Variants in MICU3 observed in about 807,000 individuals in gnomAD.
MICU3 encodes the protein mitochondrial calcium uptake 3.
A neutral mutation model predicts 66.5 loss-of-function variants in MICU3; 62 were observed. The ratio of observed to expected loss-of-function variants is 0.93; its 90% CI spans 0.76 to 1.15. The LOEUF is 1.15. Ranked by LOEUF, MICU3 falls within the 50% of genes most tolerant of loss-of-function variation. The pLI is 0.00. For synonymous variants in MICU3, 308 were observed against 240.7 expected (o/e 1.28, Z -2.59); for missense variants, 779 against 664.4 (o/e 1.17, Z -1.90).
At position 17,079,087 on chromosome 8, in the gene MICU3, G is replaced by C. The variant is rs751118960; in HGVS notation, c.646+1226G>C. 2.0e-5 allele frequency among the ~76,000 whole-genome samples: 3 copies of C among 151,956 alleles called. No homozygotes were observed. The South Asian group carries it at 6.2e-4, about 32-fold the overall frequency. ...AGAACCTTTTTTAAGTTAAGGGGAG[G>C]GTTTAATCTGGAAGTCCTAGGTTTA... is the stretch of plus-strand genomic sequence containing the variant. On this transcript the variant is annotated intron_variant, in intron 4 of 14. Transcript: ENST00000318063.
chr8:17,052,277 TGCATACAGTA>T (rs545667967), intron 1 of MICU3, among the ~76,000 whole-genome samples: 132 of 152,322 alleles, frequency 8.7e-4, no homozygotes, highest in African/African-American at 3.1e-3. Flanking sequence ...TTTTGATACA[TGCATACAGTA>T]TGTAATGATC....
At position 17,120,528 on chromosome 8, in the gene MICU3, ACT is replaced by A. The variant is rs1374235675; in HGVS notation, c.*246_*247del. On this transcript the variant is annotated 3_prime_UTR_variant, in exon 15 of 15. Transcript: ENST00000318063. Reference sequence around the variant, plus strand: ...GTTGAGCTTTGCCTTGATTTGCTGAACTCTCTGCACTTTTTCATTCCCTTCAG... The same window carrying A: ...GTTGAGCTTTGCCTTGATTTGCTGAACTCTGCACTTTTTCATTCCCTTCAG... 1.3e-5 allele frequency: 2 copies of A among 151,956 alleles called. No individual in the cohort carries two copies. The highest frequency in any genetic ancestry group is 2.4e-5 in the African/African-American group (1 of 41,374). 9.4% of individuals were successfully genotyped at this position (151,956 alleles called of 1,614,324 possible).
chr8:17,068,165 A>G (rs932565285), intron 2 of MICU3, among the ~76,000 whole-genome samples: 1 of 152,176 alleles, frequency 6.6e-6, no homozygotes, highest in African/African-American at 2.4e-5. Flanking sequence ...GTCCTTCTTC[A>G]CCTAAGTTAT....
At chr8:17,040,188 A>G (rs1032640534) in intron 1 of MICU3, among the ~76,000 whole-genome samples, 5 of 152,200 alleles carry the variant, frequency 3.3e-5, no homozygotes, top group African/African-American at 9.6e-5. Flanking sequence ...GATTATAGGC[A>G]TGAGCCACTG....
chr8:17,088,486 A>T (rs559022818), intron 7 of MICU3, among the ~76,000 whole-genome samples: 2 of 152,084 alleles, frequency 1.3e-5, no homozygotes, highest in East Asian at 3.9e-4. Context: ...TTTAATTTTG[A>T]TATATTACCT....
chr8:17,082,021 A>G, intron 5 of MICU3: 1 of 245,546 alleles, frequency 4.1e-6, no homozygotes, highest in Non-Finnish European at 7.8e-6. Context: ...AAAGGTCATG[A>G]CATGTAATAA....
At chr8:17,086,717 T>G (rs1799509676) in intron 6 of MICU3, among the ~76,000 whole-genome samples, 1 of 152,108 alleles carries the variant, frequency 6.6e-6, no homozygotes. Flanking sequence ...TGTGGATGTC[T>G]GCATTTTAGA....
intron 5 of MICU3, among the ~76,000 whole-genome samples, chr8:17,082,150 A>AT (rs141014028): frequency 0.13 from 20,198 of 151,866 alleles, 1,759 homozygotes; most frequent in East Asian, 0.21. Context: ...TAAAACTTCT[A>AT]TTTTCTCCCT....
downstream of MICU3, among the ~76,000 whole-genome samples, chr8:17,124,077 G>T (rs932962544): frequency 2.0e-5 from 3 of 150,806 alleles, no homozygotes; most frequent in Non-Finnish European, 3.0e-5. Flanking sequence ...CAACATTTTT[G>T]ATTGGTCTTA....
chr8:17,027,248 C>T lies in MICU3; in HGVS notation c.-32C>T, dbSNP rs1811122986. 5.1e-6 allele frequency: 5 copies of T among 979,640 alleles called. No homozygotes were observed. Among genetic ancestry groups the T allele is most frequent in the South Asian group, 2.0e-5 (1 of 49,524 alleles). 60.7% of individuals were successfully genotyped at this position (979,640 alleles called of 1,614,324 possible). A position where few individuals can be genotyped will look rare whatever the true frequency, so the allele number is the denominator to read the frequency against. On this transcript the variant is annotated 5_prime_UTR_variant, in exon 1 of 15. Transcript: ENST00000318063. ...CGCCCCCGCCCCTCCGTTCTCTGCC[C>T]CCTCCCAGCTCTGGTGTGGGCGGCC...
chr8:17,029,305 G>C (rs184209146), intron 1 of MICU3, among the ~76,000 whole-genome samples: 1 of 152,084 alleles, frequency 6.6e-6, no homozygotes, highest in African/African-American at 2.4e-5. Context: ...GCGAAACCTC[G>C]TCTCTACTAA....
chr8:17,082,531 C>T lies in MICU3; in HGVS notation c.694+791C>T, dbSNP rs140228270. ...GTTTACATGTTCTTGTCTCCCCACA[C>T]TTGAATGCAAGGTCCATTATGGCAA... On this transcript the variant is annotated intron_variant, in intron 5 of 14. Coordinates refer to ENST00000318063, the MANE Select transcript of MICU3 (RefSeq NM_181723.3). 2.4e-3 allele frequency among the ~76,000 whole-genome samples: 372 copies of T among 152,224 alleles called. 3 individuals are homozygous for T. The highest frequency in any genetic ancestry group is 3.9e-3 in the Non-Finnish European group (266 of 67,994).
At position 17,086,063 on chromosome 8, in the gene MICU3, C is replaced by A. The variant is rs17124082; in HGVS notation, c.777+745C>A. Among the ~76,000 whole-genome samples the A allele has an allele frequency of 5.6e-3, 845 of 152,080 alleles. 8 individuals are homozygous for A. Among genetic ancestry groups the A allele is most frequent in the African/African-American group, 0.02 (811 of 41,504 alleles). On this transcript the variant is annotated intron_variant, in intron 6 of 14. Transcript: ENST00000318063. Reference sequence around the variant, plus strand: ...GCATATATATTACACTCTGTCTTTACCTACACTCTCCGAGTAAAAAGAAAG... The same window carrying A: ...GCATATATATTACACTCTGTCTTTAACTACACTCTCCGAGTAAAAAGAAAG...
chr8:17,134,487 C>A, the MICU3 span, among the ~76,000 whole-genome samples: 1 of 152,098 alleles, frequency 6.6e-6, no homozygotes, highest in Non-Finnish European at 1.5e-5. Context: ...CTCTGTCACT[C>A]AGGCTGGAGT....
intron 3 of MICU3, among the ~76,000 whole-genome samples, chr8:17,076,272 G>T (rs1161945477): frequency 1.3e-5 from 2 of 151,826 alleles, no homozygotes; most frequent in Admixed American, 1.3e-4. Context: ...TGGATTCAAG[G>T]GATCTACCCA....
At chr8:17,096,496 G>A (rs1800704706) in intron 8 of MICU3, among the ~76,000 whole-genome samples, 4 of 151,882 alleles carry the variant, frequency 2.6e-5, no homozygotes, top group Admixed American at 1.3e-4. Flanking sequence ...ATAGGAATCA[G>A]TGAGTGTGCC....
intron 1 of MICU3, among the ~76,000 whole-genome samples, chr8:17,029,962 A>G (rs987350962): frequency 6.6e-6 from 1 of 152,004 alleles, no homozygotes; most frequent in Non-Finnish European, 1.5e-5. Context: ...TCATCTGTTT[A>G]TTTGTTTTTA....
chr8:17,114,491 C>T (rs937705508), intron 12 of MICU3, among the ~76,000 whole-genome samples: 22 of 152,300 alleles, frequency 1.4e-4, no homozygotes, highest in African/African-American at 5.3e-4. Flanking sequence ...TTAATGCCTG[C>T]TGACTCAGAA....
chr8:17,061,270 T>C (rs1054502333), intron 1 of MICU3, among the ~76,000 whole-genome samples: 4 of 152,226 alleles, frequency 2.6e-5, no homozygotes, highest in African/African-American at 9.6e-5. Flanking sequence ...AGAAGGTGGA[T>C]CACATTCCCA....
Sources: allele counts gnomAD v4.1 joint callset (sites outside exome capture counted in the v4.1 genomes callset), GRCh38; gene constraint gnomAD v4.1.1; transcripts MANE v1.5; gene names NCBI Gene and HGNC (gene_info 2026-07-23, HGNC 2026-07-21).